Variants in THNSL2 observed in about 807,000 individuals in gnomAD.
THNSL2 encodes the protein threonine synthase-like 2.
A neutral mutation model predicts 40.0 loss-of-function variants in THNSL2; 34 were observed. That is an observed-to-expected ratio of 0.85 (90% CI 0.65 to 1.13). The LOEUF is 1.13. Ranked by LOEUF, THNSL2 falls within the 50% of genes most tolerant of loss-of-function variation. The pLI, the probability that THNSL2 is intolerant of heterozygous loss-of-function variation, is 0.00. For synonymous variants in THNSL2, 241 were observed against 247.5 expected (o/e 0.97, Z 0.25); for missense variants, 537 against 608.8 (o/e 0.88, Z 1.24).
chr2:88,172,399 A>G (rs533689845), intron 1 of THNSL2: 1 of 152,336 alleles, frequency 6.6e-6, no homozygotes, highest in African/African-American at 2.4e-5. Flanking sequence ...GCTAAGAGGT[A>G]GAACACTGGT....
At chr2:88,183,739 T>C (rs946661855) in intron 7 of THNSL2, 21 of 151,984 alleles carry the variant, frequency 1.4e-4, no homozygotes, top group African/African-American at 4.8e-4. Flanking sequence ...TTGGGAAGGA[T>C]TGTTTTTATT....
At position 88,173,385 on chromosome 2, in the gene THNSL2, C is replaced by T. The variant is rs1226478117; in HGVS notation, c.223+12C>T. 6.4e-7 allele frequency: 1 copy of T among 1,573,708 alleles called. No individual in the cohort carries two copies. The highest frequency in any genetic ancestry group is 8.6e-7 in the Non-Finnish European group (1 of 1,157,352). The stretch of plus-strand genomic sequence containing the variant: ...AGATGAATTAAATGGTGAGTGCTCC[C>T]ACCTGTACTTTCACTCTTCCAGCCC... On this transcript the variant is annotated intron_variant, in intron 2 of 8. Transcript: ENST00000674334.
intron 8 of THNSL2, 118 bp downstream of exon 8, chr2:88,185,597 G>C: frequency 6.4e-7 from 1 of 1,551,592 alleles, no homozygotes; most frequent in Middle Eastern, 1.7e-4. Context: ...GAGTGTGATG[G>C]GTGCTGTGTG....
chr2:88,174,692 T>C lies in THNSL2; in HGVS notation c.277T>C (p.Ser93Pro), dbSNP rs772393270. 3.1e-6 allele frequency: 5 copies of C among 1,614,056 alleles called. No homozygotes were observed. The highest frequency in any genetic ancestry group is 4.2e-6 in the Non-Finnish European group (5 of 1,180,036). Residue 93 changes from serine to proline, a missense_variant, in exon 3 of 9, where the codon TCC becomes CCC. By Grantham distance (74) the Ser-to-Pro change is moderately conservative (BLOSUM62 -1). Coordinates refer to ENST00000674334, the MANE Select transcript of THNSL2 (RefSeq NM_018271.5). ...RFRHREVVHL[S>P]RLRNGLNVLE... ...CCGTCACAGAGAAGTGGTCCATCTG[T>C]CCAGGTTGAGGAATGGGCTGAACGT...
chr2:88,180,011 G>A (rs1408652956), intron 5 of THNSL2, among the ~76,000 whole-genome samples: 3 of 152,240 alleles, frequency 2.0e-5, no homozygotes, highest in Non-Finnish European at 4.4e-5. Flanking sequence ...GCCACTAACA[G>A]AAGGGTGGAG....
rs1425708962 is a variant in THNSL2 at position 88,182,806 on chromosome 2, G to C, written c.910G>C (p.Glu304Gln). 3.7e-6 allele frequency: 6 copies of C among 1,614,014 alleles called. No individual in the cohort carries two copies. The highest frequency in any genetic ancestry group is 2.7e-5 in the African/African-American group (2 of 74,902). ...TVQQGDFSLS[E>Q]AVKSTLASAM... is the part of the protein sequence containing the mutation. ...CCAGCAGGGAGACTTCTCTCTCTCT[G>C]AGGCTGTTAAATCAACCTTGGCATC... is the stretch of plus-strand genomic sequence containing the variant. Residue 304 changes from glutamate (E) to glutamine (Q), a missense_variant, in exon 6 of 9, where the codon GAG becomes CAG. Physicochemically the swap from Glu to Gln is conservative, Grantham distance 29. Transcript: ENST00000674334.
chr2:88,183,972 C>T (rs1243461080), intron 7 of THNSL2, among the ~76,000 whole-genome samples: 2 of 152,318 alleles, frequency 1.3e-5, no homozygotes, highest in African/African-American at 2.4e-5. Flanking sequence ...TCTGATTCTA[C>T]ATCCGAGTGT....
intron 1 of THNSL2, chr2:88,171,907 A>G (rs554662706): frequency 2.0e-5 from 3 of 152,532 alleles, no homozygotes; most frequent in African/African-American, 7.2e-5. Context: ...TACACTTAAT[A>G]TTTGTAGTTA....
At chr2:88,177,310 A>G (rs963417500) in intron 4 of THNSL2, among the ~76,000 whole-genome samples, 13 of 152,208 alleles carry the variant, frequency 8.5e-5, no homozygotes, top group African/African-American at 3.1e-4. Flanking sequence ...TTCAGGATAT[A>G]ACAGCAAATA....
Position 88,185,891 on chromosome 2 carries a change from C to T in THNSL2, c.1230-7C>T, listed in dbSNP as rs750753584. On this transcript the variant is annotated splice_polypyrimidine_tract_variant and splice_region_variant and intron_variant, in intron 8 of 8. Coordinates refer to ENST00000674334, the MANE Select transcript of THNSL2 (RefSeq NM_018271.5). ...CCTCCGGGTGCCACCTGCCCCCATCCCCACAGCACTCCCCGGTGCTGCCTC... is the reference window on the plus strand; with the variant it reads ...CCTCCGGGTGCCACCTGCCCCCATCTCCACAGCACTCCCCGGTGCTGCCTC... 6.3e-7 allele frequency: 1 copy of T among 1,593,012 alleles called. No individual in the cohort carries two copies. The highest frequency in any genetic ancestry group is 1.1e-5 in the South Asian group (1 of 87,504).
chr2:88,175,098 C>A, intron 3 of THNSL2, 151 bp from the exon 4 acceptor site: 1 of 914,668 alleles, frequency 1.1e-6, no homozygotes, highest in Non-Finnish European at 1.6e-6. Context: ...ATCCGTGGAT[C>A]CATGGACCCT....
rs1311537714 is a variant in THNSL2 at position 88,186,342 on chromosome 2, C to T, written c.*219C>T. 8 of 582,758 alleles carry T rather than the reference C, an allele frequency of 1.4e-5. No individual in the cohort carries two copies. In the Admixed American group the frequency reaches 1.8e-4, roughly 13 times the overall value. The allele number at this position is 582,758 out of a possible 1,614,324, so 36.1% of individuals were successfully genotyped here. On this transcript the variant is annotated 3_prime_UTR_variant, in exon 9 of 9. Transcript: ENST00000674334. ...CTGTGAACAGTTGCCGGAAGCACCC[C>T]CTCCCTCCCCGGCCCGTGCAGCAGT...
At chr2:88,173,079 T>G (rs1298550947) in intron 1 of THNSL2, 60 bp from the exon 2 acceptor site, 1 of 1,261,942 alleles carries the variant, frequency 7.9e-7, no homozygotes, top group African/African-American at 1.5e-5. Context: ...TGCTTTGGCT[T>G]TGCCCGGTGG....
At chr2:88,185,740 C>G (rs1558902157) in intron 8 of THNSL2, 158 bp from the exon 9 acceptor site, 1 of 1,548,988 alleles carries the variant, frequency 6.5e-7, no homozygotes. Flanking sequence ...GTCATTGTAG[C>G]AATAAGTTCA....
rs1319341379 is a variant in THNSL2 at position 88,174,761 on chromosome 2, TC to T, written c.349del (p.Leu117CysfsTer23). On this transcript the variant is annotated frameshift_variant, in exon 3 of 9. Transcript: ENST00000674334. LOFTEE classifies it high-confidence loss of function. ...CGTCACATATGCATTTAAGGACCTG[TC>T]CCTGTCCTGCACAACACAGTTCCTG... The part of the protein sequence containing the change: ...HGVTYAFKDL[S>X]LSCTTQFLQY... The T allele has an allele frequency of 1.9e-6, 3 of 1,614,058 alleles. No homozygotes were observed. The highest frequency in any genetic ancestry group is 2.5e-6 in the Non-Finnish European group (3 of 1,180,038).
In THNSL2 at chr2:88,186,193, C is replaced by A; in HGVS notation, c.*70C>A. The stretch of plus-strand genomic sequence containing the variant: ...TGCACCTTCTGAGCTGCCTTGTGCA[C>A]CCTCCCCATTAAGCGTAGGTTAGGA... On this transcript the variant is annotated 3_prime_UTR_variant, in exon 9 of 9. Coordinates refer to ENST00000674334, the MANE Select transcript of THNSL2 (RefSeq NM_018271.5). 1.4e-6 allele frequency: 2 copies of A among 1,440,674 alleles called. No individual in the cohort carries two copies. The highest frequency in any genetic ancestry group is 1.9e-6 in the Non-Finnish European group (2 of 1,049,134). 89.2% of individuals were successfully genotyped at this position (1,440,674 alleles called of 1,614,324 possible). A position where few individuals can be genotyped will look rare whatever the true frequency, so the allele number is the denominator to read the frequency against.
intron 7 of THNSL2, 174 bp downstream of exon 7, chr2:88,183,247 T>C (rs1677895403): frequency 1.2e-6 from 1 of 866,722 alleles, no homozygotes; most frequent in Non-Finnish European, 1.7e-6. Context: ...GGAGAGGTAA[T>C]AGAGAACATG....
intron 4 of THNSL2, chr2:88,177,290 T>A (rs1677037866): frequency 6.6e-6 from 1 of 152,208 alleles, no homozygotes; most frequent in Non-Finnish European, 1.5e-5. Flanking sequence ...TTAAGGAGGA[T>A]GTGTGTTAGT....
chr2:88,176,170 A>G (rs1405183023), intron 4 of THNSL2: 1 of 152,238 alleles, frequency 6.6e-6, no homozygotes, highest in Non-Finnish European at 1.5e-5. Flanking sequence ...TAAGCCATGC[A>G]CTGGTTATCT....
Sources: gnomAD v4.1 joint callset for allele counts (sites outside exome capture counted in the v4.1 genomes callset) on GRCh38, gnomAD v4.1.1 for gene constraint, MANE v1.5 for transcripts, NCBI Gene and HGNC (gene_info 2026-07-23, HGNC 2026-07-21) for gene names.